PDE1A: variants seen among roughly 807,000 people sequenced by gnomAD.
PDE1A encodes dual specificity calcium/calmodulin-dependent 3',5'-cyclic nucleotide phosphodiesterase 1A.
Under a neutral mutation model 61.7 loss-of-function variants are expected in PDE1A, and 35 were observed. The observed-to-expected ratio is 0.57, with a 90% CI of 0.43 to 0.75. The LOEUF is 0.75. Ranked by LOEUF, PDE1A falls within the 30% of genes least tolerant of loss-of-function variation. The pLI, the probability that PDE1A is intolerant of heterozygous loss-of-function variation, is 0.00. For missense variants in PDE1A, 597 were observed against 630.6 expected (o/e 0.95, Z 0.57); for synonymous variants, 232 against 213.2 (o/e 1.09, Z -0.77).
At chr2:182,545,487 G>C in the PDE1A span, among the ~76,000 whole-genome samples, 1 of 152,140 alleles carries the variant, frequency 6.6e-6, no homozygotes, top group Non-Finnish European at 1.5e-5. Context: ...TATCCAGAGT[G>C]GTTTCTATTT....
chr2:182,156,711 CTG>C (rs1691101042), intron 13 of PDE1A, among the ~76,000 whole-genome samples: 1 of 152,106 alleles, frequency 6.6e-6, no homozygotes, highest in Non-Finnish European at 1.5e-5. Flanking sequence ...CTACTATTCT[CTG>C]TGATAAAACC....
At chr2:182,189,327 A>C (rs1685498194) in intron 10 of PDE1A, among the ~76,000 whole-genome samples, 1 of 152,204 alleles carries the variant, frequency 6.6e-6, no homozygotes. Flanking sequence ...CTTGACTTTT[A>C]AGAAACAAAC....
intron 1 of PDE1A, among the ~76,000 whole-genome samples, chr2:182,397,828 A>G (rs972886723): frequency 6.6e-6 from 1 of 152,122 alleles, no homozygotes; most frequent in African/African-American, 2.4e-5. Context: ...AATGATCACT[A>G]TCTACCTGAT....
chr2:182,413,137 T>C (rs1702718154), intron 1 of PDE1A, among the ~76,000 whole-genome samples: 1 of 151,482 alleles, frequency 6.6e-6, no homozygotes, highest in Non-Finnish European at 1.5e-5. Context: ...AGCATAAGAG[T>C]TGTGAAAGGA....
chr2:182,152,760 G>A (rs980976789), intron 13 of PDE1A, among the ~76,000 whole-genome samples: 2 of 152,086 alleles, frequency 1.3e-5, no homozygotes, highest in Non-Finnish European at 2.9e-5. Context: ...TGGAGAAGAA[G>A]CAGTTGTATG....
intron 6 of PDE1A, among the ~76,000 whole-genome samples, chr2:182,229,746 A>G (rs1399703622): frequency 6.7e-6 from 1 of 150,286 alleles, no homozygotes; most frequent in Non-Finnish European, 1.5e-5. Flanking sequence ...GGAATTTACA[A>G]ACAAAAATGT....
At chr2:182,560,677 C>A in the PDE1A span, among the ~76,000 whole-genome samples, 2 of 152,150 alleles carry the variant, frequency 1.3e-5, no homozygotes, top group African/African-American at 2.4e-5. Context: ...TACAGTCCCA[C>A]CAACAGTGTA....
intron 2 of PDE1A, among the ~76,000 whole-genome samples, chr2:182,247,918 A>G (rs1026683273): frequency 6.6e-6 from 1 of 152,158 alleles, no homozygotes; most frequent in Non-Finnish European, 1.5e-5. Context: ...TCTTTATTCT[A>G]ATGTTAAAGG....
At chr2:182,556,869 G>A in the PDE1A span, among the ~76,000 whole-genome samples, 2 of 152,278 alleles carry the variant, frequency 1.3e-5, no homozygotes, top group South Asian at 4.1e-4. Flanking sequence ...TAGGACCATA[G>A]TACATGTATA....
At chr2:182,171,518 CAA>C (rs1297816515) in intron 13 of PDE1A, among the ~76,000 whole-genome samples, 1 of 151,704 alleles carries the variant, frequency 6.6e-6, no homozygotes, top group Non-Finnish European at 1.5e-5. Flanking sequence ...GACCTGGAAT[CAA>C]GAGGAACGGA....
chr2:182,634,635 G>T, the PDE1A span, among the ~76,000 whole-genome samples: 3 of 152,056 alleles, frequency 2.0e-5, no homozygotes, highest in Admixed American at 6.5e-5. Flanking sequence ...TGTTACCCTC[G>T]CCTTGAAATG....
At chr2:182,269,295 C>A in intron 1 of PDE1A, among the ~76,000 whole-genome samples, 1 of 151,922 alleles carries the variant, frequency 6.6e-6, no homozygotes, top group Non-Finnish European at 1.5e-5. Context: ...TTGAGACCAG[C>A]CTGGCCAACA....
downstream of PDE1A, among the ~76,000 whole-genome samples, chr2:182,162,970 G>A (rs1369017802): frequency 6.6e-6 from 1 of 152,182 alleles, no homozygotes; most frequent in African/African-American, 2.4e-5. Flanking sequence ...AGAACTGCCT[G>A]TACCTAAGAC....
In PDE1A at chr2:182,279,486, C is replaced by A. The variant is rs1000435945; in HGVS notation, c.54-15072G>T. 2.6e-5 allele frequency among the ~76,000 whole-genome samples: 4 copies of A among 152,024 alleles called. No individual in the cohort carries two copies. The East Asian group carries it at 7.8e-4, about 29-fold the overall frequency. On this transcript the variant is annotated intron_variant, in intron 1 of 13. Coordinates refer to ENST00000351439, the Ensembl canonical transcript of PDE1A. ...AAATCCTGCTTTCTTTTTCTTTCCA[C>A]AGTCAATATTCTTGGAAGAATATCA...
intron 7 of PDE1A, among the ~76,000 whole-genome samples, chr2:182,218,800 C>T (rs995184499): frequency 2.0e-5 from 3 of 152,004 alleles, no homozygotes; most frequent in South Asian, 2.1e-4. Flanking sequence ...GACTTGCATA[C>T]CTGGGATAAA....
the PDE1A span, among the ~76,000 whole-genome samples, chr2:182,686,303 C>T: frequency 2.0e-5 from 3 of 152,050 alleles, no homozygotes; most frequent in Admixed American, 2.0e-4. Context: ...ATCTTTCAAC[C>T]TTGAAATGCA....
intron 1 of PDE1A, among the ~76,000 whole-genome samples, chr2:182,272,781 C>A (rs1211865681): frequency 6.6e-6 from 1 of 151,732 alleles, no homozygotes; most frequent in Non-Finnish European, 1.5e-5. Flanking sequence ...CAAGCATTTA[C>A]AAAATTGTGA....
chr2:182,680,763 A>G, the PDE1A span, among the ~76,000 whole-genome samples: 1 of 152,178 alleles, frequency 6.6e-6, no homozygotes, highest in East Asian at 1.9e-4. Context: ...AAAGAATTCA[A>G]GTGTGAACCA....
intron 2 of PDE1A, among the ~76,000 whole-genome samples, chr2:182,263,842 G>T (rs2125786880): frequency 6.6e-6 from 1 of 152,240 alleles, no homozygotes; most frequent in Admixed American, 6.5e-5. Context: ...CATTTGGGAT[G>T]CCCCTTAGCA....
Sources: gnomAD v4.1 joint callset for allele counts (sites outside exome capture counted in the v4.1 genomes callset) on GRCh38, gnomAD v4.1.1 for gene constraint, MANE v1.5 for transcripts, NCBI Gene and HGNC (gene_info 2026-07-23, HGNC 2026-07-21) for gene names.